Variants in SEC23IP observed in about 807,000 individuals in gnomAD.
SEC23IP encodes SEC23 interacting protein.
In SEC23IP, 70 loss-of-function variants were observed where a neutral mutation model predicts 113.4. That is an observed-to-expected ratio of 0.62 (90% CI 0.51 to 0.75). The LOEUF is 0.75. SEC23IP is among the 30% of genes least tolerant of loss of function. SEC23IP has a pLI of 0.00. For synonymous variants in SEC23IP, 398 were observed against 421.0 expected, an observed-to-expected ratio of 0.95 and a Z score of 0.67; for missense variants, 1,160 against 1,204.9, an observed-to-expected ratio of 0.96 and a Z score of 0.55.
chr10:119,922,250 G>C (rs187596257), intron 12 of SEC23IP, among the ~76,000 whole-genome samples: 1 of 152,254 alleles, frequency 6.6e-6, no homozygotes, highest in East Asian at 1.9e-4. Flanking sequence ...GGTAAGGTCA[G>C]GGGAGATGGC....
At position 119,892,879 on chromosome 10, in the gene SEC23IP, T is replaced by C. The variant is rs750280458; in HGVS notation, c.97T>C (p.Phe33Leu). The C allele has an allele frequency of 6.2e-7, 1 of 1,613,918 alleles. No homozygotes were observed. Among genetic ancestry groups the C allele is most frequent in the Non-Finnish European group, 8.5e-7 (1 of 1,179,912 alleles). The change falls in exon 1 of 19, where the codon TTC becomes CTC. Residue 33 changes from phenylalanine (F) to leucine (L), a missense_variant. Coordinates refer to ENST00000369075, the MANE Select transcript of SEC23IP (RefSeq NM_007190.4). Reference protein sequence around the residue: ...LFSSSATEFSFNVPFIPVTQA... With the variant: ...LFSSSATEFSLNVPFIPVTQA... Reference sequence around the variant, plus strand: ...CTCCTCCTCGGCCACGGAGTTCAGCTTCAATGTGCCCTTCATCCCAGTCAC... The same window carrying C: ...CTCCTCCTCGGCCACGGAGTTCAGCCTCAATGTGCCCTTCATCCCAGTCAC...
intron 8 of SEC23IP, among the ~76,000 whole-genome samples, chr10:119,917,439 T>C (rs1367705414): frequency 1.3e-5 from 2 of 151,538 alleles, no homozygotes; most frequent in Non-Finnish European, 2.9e-5. Context: ...AATGCAGTGG[T>C]GCAGTCTCAG....
intron 5 of SEC23IP, among the ~76,000 whole-genome samples, chr10:119,909,398 G>C (rs972818258): frequency 2.6e-5 from 4 of 152,098 alleles, no homozygotes; most frequent in East Asian, 1.9e-4. Context: ...CTTGAGCCAG[G>C]GGGACAGCAG....
intron 6 of SEC23IP, among the ~76,000 whole-genome samples, chr10:119,914,108 C>A (rs750918488): frequency 6.6e-6 from 1 of 152,116 alleles, no homozygotes; most frequent in Non-Finnish European, 1.5e-5. Flanking sequence ...TGCAGTGAGC[C>A]GAGATGGCGC....
In SEC23IP at chr10:119,933,446, G is replaced by A. The variant is rs11815801; in HGVS notation, c.2922-240G>A. On this transcript the variant is annotated intron_variant, in intron 17 of 18. Coordinates refer to ENST00000369075, the MANE Select transcript of SEC23IP (RefSeq NM_007190.4). Reference sequence around the variant, plus strand: ...GGACTTTGAAATGCCATTCTTTCCTGTATCCCTGTCACCAAGGAGAATTGC... The same window carrying A: ...GGACTTTGAAATGCCATTCTTTCCTATATCCCTGTCACCAAGGAGAATTGC... Among the ~76,000 whole-genome samples the A allele has an allele frequency of 2.2e-3, 336 of 152,226 alleles. 1 individual carries two copies. Among genetic ancestry groups the A allele is most frequent in the African/African-American group, 7.1e-3 (296 of 41,544 alleles).
intron 6 of SEC23IP, 38 bp from the exon 7 acceptor site, chr10:119,914,692 C>A: frequency 6.5e-7 from 1 of 1,532,442 alleles, no homozygotes; most frequent in Admixed American, 1.7e-5. Flanking sequence ...CAAACAAATT[C>A]CCATCTTTTA....
chr10:119,893,047 C>T lies in SEC23IP; in HGVS notation c.163+102C>T, dbSNP rs917918030. On this transcript the variant is annotated intron_variant, in intron 1 of 18. Coordinates refer to ENST00000369075, the MANE Select transcript of SEC23IP (RefSeq NM_007190.4). ...TTTTCCTTCTGCCTCGAGCTACCCT[C>T]TGGATAGCTTGCCAGGATCATTACT... 43 of 1,292,370 alleles carry T rather than the reference C, an allele frequency of 3.3e-5. No individual in the cohort carries two copies. In the East Asian group the frequency reaches 8.4e-4, roughly 25 times the overall value. The allele number at this position is 1,292,370 out of a possible 1,614,324, so 80.1% of individuals were successfully genotyped here.
chr10:119,926,335 A>T (rs1043709362), intron 13 of SEC23IP, 108 bp downstream of exon 13: 5 of 1,187,268 alleles, frequency 4.2e-6, no homozygotes, highest in Admixed American at 2.5e-5. Context: ...TTTATTTGTG[A>T]TGTGGAAAAA....
chr10:119,920,713 CT>C (rs1242526096), intron 11 of SEC23IP, among the ~76,000 whole-genome samples, 175 bp from the exon 12 acceptor site: 1 of 152,126 alleles, frequency 6.6e-6, no homozygotes, highest in Non-Finnish European at 1.5e-5. Flanking sequence ...GTGTGGAAGC[CT>C]AAGATTTTAT....
Position 119,920,775 on chromosome 10 carries a change from T to C in SEC23IP, c.2026-114T>C, listed in dbSNP as rs571823931. ...TACAAAATAACTAACTTGTAAAAAG[T>C]TGAGTGGCTCTTAGATTGCTTTAGA... On this transcript the variant is annotated intron_variant, in intron 11 of 18. Coordinates refer to ENST00000369075, the MANE Select transcript of SEC23IP (RefSeq NM_007190.4). The C allele has an allele frequency of 2.7e-5, 17 of 636,734 alleles. 1 individual carries two copies. The South Asian group carries it at 4.0e-4, about 15-fold the overall frequency. 39.4% of individuals were successfully genotyped at this position (636,734 alleles called of 1,614,324 possible).
At chr10:119,937,194 T>C (rs577787100) in intron 18 of SEC23IP, among the ~76,000 whole-genome samples, 3 of 152,238 alleles carry the variant, frequency 2.0e-5, no homozygotes, top group Non-Finnish European at 4.4e-5. Context: ...TTCTTTCTTA[T>C]GGATTTATAA....
At chr10:119,929,947 C>A (rs1309230529) in intron 14 of SEC23IP, among the ~76,000 whole-genome samples, 185 bp downstream of exon 14, 1 of 152,280 alleles carries the variant, frequency 6.6e-6, no homozygotes, top group East Asian at 1.9e-4. Flanking sequence ...CTGTGCCTGA[C>A]CTTTTACTTT....
intron 18 of SEC23IP, among the ~76,000 whole-genome samples, chr10:119,938,126 TA>T (rs71019734): frequency 0.18 from 24,921 of 138,694 alleles, 2,287 homozygotes; most frequent in Non-Finnish European, 0.23. Context: ...CCTCGTCTCT[TA>T]AAAAAAAAAA....
At chr10:119,902,452 TG>T (rs1324600262) in intron 2 of SEC23IP, among the ~76,000 whole-genome samples, 1 of 152,218 alleles carries the variant, frequency 6.6e-6, no homozygotes, top group Non-Finnish European at 1.5e-5. Context: ...TGGTTCACCT[TG>T]TAATTGATTT....
chr10:119,933,764 T>C lies in SEC23IP; in HGVS notation c.3000T>C (p.His1000=), dbSNP rs144594354. Residue 1000 remains histidine, a synonymous_variant, in exon 18 of 19, where the codon CAT becomes CAC. Coordinates refer to ENST00000369075, the MANE Select transcript of SEC23IP (RefSeq NM_007190.4). ...ACATTAGTCCAGAACAGCCCCAGCA[T>C]TGATCAAACTTCAGTTTTACTGTGT... ...TMNISPEQPQ[H] The C allele has an allele frequency of 1.7e-5, 27 of 1,550,150 alleles. No individual in the cohort carries two copies. Among genetic ancestry groups the C allele is most frequent in the African/African-American group, 2.7e-5 (2 of 73,690 alleles).
chr10:119,913,636 C>T (rs558110188), intron 6 of SEC23IP, among the ~76,000 whole-genome samples: 45 of 151,626 alleles, frequency 3.0e-4, no homozygotes, highest in South Asian at 2.1e-3. Flanking sequence ...GGATTACAGG[C>T]GCCCACCACC....
intron 4 of SEC23IP, among the ~76,000 whole-genome samples, chr10:119,908,119 G>A (rs996804210): frequency 2.6e-5 from 4 of 152,130 alleles, no homozygotes; most frequent in African/African-American, 9.7e-5. Context: ...CAGGGATTTT[G>A]GTATCTTTGA....
intron 13 of SEC23IP, among the ~76,000 whole-genome samples, chr10:119,926,647 A>G (rs923922957): frequency 1.3e-5 from 2 of 152,344 alleles, no homozygotes; most frequent in East Asian, 1.9e-4. Flanking sequence ...AAATTGACCA[A>G]TGCTGCATTT....
At chr10:119,905,750 A>G (rs1475452983) in intron 4 of SEC23IP, among the ~76,000 whole-genome samples, 1 of 152,208 alleles carries the variant, frequency 6.6e-6, no homozygotes, top group East Asian at 1.9e-4. Flanking sequence ...TAGAAATATT[A>G]GCACCAATAC....
Sources: allele counts gnomAD v4.1 joint callset (sites outside exome capture counted in the v4.1 genomes callset), GRCh38; gene constraint gnomAD v4.1.1; transcripts MANE v1.5; gene names NCBI Gene and HGNC (gene_info 2026-07-23, HGNC 2026-07-21).